The following B3GAT1 variants were observed in gnomAD, a reference collection of about 807,000 sequenced individuals.
B3GAT1 encodes the protein beta-1,3-glucuronyltransferase 1.
A neutral mutation model predicts 28.4 loss-of-function variants in B3GAT1; 11 were observed. That is an observed-to-expected ratio of 0.39 (90% CI 0.24 to 0.64). B3GAT1 has a LOEUF of 0.64. Among genes scored for constraint, B3GAT1 ranks in the 30% least tolerant of loss-of-function variants. The pLI is 0.50. For missense variants in B3GAT1, 375 were observed against 491.0 expected (o/e 0.76, Z 2.23); for synonymous variants, 255 against 223.1 (o/e 1.14, Z -1.27).
chr11:134,387,951 G>A lies in B3GAT1; in HGVS notation c.-281-11C>T, dbSNP rs1003049451. On this transcript the variant is annotated splice_polypyrimidine_tract_variant and intron_variant, in intron 1 of 5. Transcript: ENST00000312527. ...CTGGGGGGTGGACACCTGCAAGAGA[G>A]AGCAGAAGCGGATAGCCAGAGACCC... The A allele has an allele frequency of 4.1e-6, 5 of 1,205,312 alleles. No homozygotes were observed. The African/African-American group carries it at 6.0e-5, about 15-fold the overall frequency. 74.7% of individuals were successfully genotyped at this position (1,205,312 alleles called of 1,614,324 possible). A position where few individuals can be genotyped will look rare whatever the true frequency, so the allele number is the denominator to read the frequency against.
rs147248025 is a variant in B3GAT1 at position 134,397,745 on chromosome 11, G to A, written c.-281-9805C>T. ...GCCATTGCAAACCAGCACCTGTCTC[G>A]TTTCCTTCCAGCTGTCAACTGCTCC... On this transcript the variant is annotated intron_variant, in intron 1 of 5. Coordinates refer to ENST00000312527, the MANE Select transcript of B3GAT1 (RefSeq NM_054025.3). Among the ~76,000 whole-genome samples, 904 of 152,360 alleles carry A rather than the reference G, an allele frequency of 5.9e-3. 9 individuals carry two copies. The highest frequency in any genetic ancestry group is 0.02 in the African/African-American group (844 of 41,592).
chr11:134,393,699 G>A lies in B3GAT1; in HGVS notation c.-281-5759C>T, dbSNP rs1221988319. ...AGACGGTGAGTGCTGTGAACAGGCT[G>A]GGAACCGGCGTCACTGACTCTTGAG... On this transcript the variant is annotated intron_variant, in intron 1 of 5. Coordinates refer to ENST00000312527, the MANE Select transcript of B3GAT1 (RefSeq NM_054025.3). The surrounding 1 kb of genome is among the most constrained non-coding windows in gnomAD (Gnocchi z 4.0). Among the ~76,000 whole-genome samples, 1 of 152,218 alleles carries A rather than the reference G, an allele frequency of 6.6e-6. No homozygotes were observed. Among genetic ancestry groups the A allele is most frequent in the African/African-American group, 2.4e-5 (1 of 41,454 alleles).
chr11:134,398,391 C>T (rs1196563632), intron 1 of B3GAT1, among the ~76,000 whole-genome samples: 2 of 152,158 alleles, frequency 1.3e-5, no homozygotes, highest in Middle Eastern at 3.2e-3. Context: ...GCCAAGAGGC[C>T]AGTTCTACTC....
chr11:134,407,647 T>C (rs1284274843), intron 1 of B3GAT1, among the ~76,000 whole-genome samples: 1 of 152,212 alleles, frequency 6.6e-6, no homozygotes, highest in Non-Finnish European at 1.5e-5. Flanking sequence ...CCTGCCCTGC[T>C]GTCAGCTGGT....
chr11:134,403,280 C>T (rs140611934), intron 1 of B3GAT1, among the ~76,000 whole-genome samples: 10 of 152,108 alleles, frequency 6.6e-5, no homozygotes, highest in African/African-American at 1.4e-4. Flanking sequence ...CTCGGGGTCC[C>T]GGGAAGGCAG....
At chr11:134,408,196 G>A (rs111972678) in intron 1 of B3GAT1, among the ~76,000 whole-genome samples, 16 of 149,978 alleles carry the variant, frequency 1.1e-4, no homozygotes, top group Admixed American at 4.0e-4. Flanking sequence ...ACCGATTCCA[G>A]TGGGGTGAGG....
chr11:134,399,439 C>T lies in B3GAT1; in HGVS notation c.-281-11499G>A, dbSNP rs181791818. On this transcript the variant is annotated intron_variant, in intron 1 of 5. Transcript: ENST00000312527. Reference sequence around the variant, plus strand: ...ATGCTGCCTCCAGTGGGCGCACACCCACCACAGGGCGCCTGCTCAGTGGGG... The same window carrying T: ...ATGCTGCCTCCAGTGGGCGCACACCTACCACAGGGCGCCTGCTCAGTGGGG... 1.9e-3 allele frequency among the ~76,000 whole-genome samples: 291 copies of T among 152,352 alleles called. 3 individuals are homozygous for T. The highest frequency in any genetic ancestry group is 0.017 in the Middle Eastern group (5 of 294).
intron 4 of B3GAT1, among the ~76,000 whole-genome samples, 199 bp downstream of exon 4, chr11:134,382,511 C>G (rs920627486): frequency 3.3e-5 from 5 of 152,244 alleles, no homozygotes; most frequent in African/African-American, 4.8e-5. Flanking sequence ...GGTTATAACT[C>G]CCCAGTGGCC....
At chr11:134,407,330 G>A (rs780668646) in intron 1 of B3GAT1, among the ~76,000 whole-genome samples, 5 of 152,246 alleles carry the variant, frequency 3.3e-5, no homozygotes, top group Non-Finnish European at 5.9e-5. Flanking sequence ...CAGCCAGAGA[G>A]GACGGGCAGA....
chr11:134,407,457 G>C (rs574487951), intron 1 of B3GAT1, among the ~76,000 whole-genome samples: 9 of 152,330 alleles, frequency 5.9e-5, no homozygotes, highest in Non-Finnish European at 1.3e-4. Context: ...CATTTCCCAC[G>C]TATGAGAAGA....
At chr11:134,397,388 C>CTCCTGTT (rs1944526074) in intron 1 of B3GAT1, among the ~76,000 whole-genome samples, 1 of 151,654 alleles carries the variant, frequency 6.6e-6, no homozygotes, top group Non-Finnish European at 1.5e-5. Context: ...CACCATGTCC[C>CTCCTGTT]TCCTGTTCTC....
rs564747913 is a variant in B3GAT1 at position 134,392,340 on chromosome 11, C to G, written c.-281-4400G>C. Reference sequence around the variant, plus strand: ...AGTATGCCTATGGAGATCGGCCATACTGGGAACACCTCTCTGCAGGAATTT... The same window carrying G: ...AGTATGCCTATGGAGATCGGCCATAGTGGGAACACCTCTCTGCAGGAATTT... On this transcript the variant is annotated intron_variant, in intron 1 of 5. Coordinates refer to ENST00000312527, the MANE Select transcript of B3GAT1 (RefSeq NM_054025.3). 2.0e-5 allele frequency: 3 copies of G among 152,472 alleles called. No individual in the cohort carries two copies. The East Asian group carries it at 5.8e-4, about 29-fold the overall frequency. The allele number at this position is 152,472 out of a possible 1,614,324, so 9.4% of individuals were successfully genotyped here. A position where few individuals can be genotyped will look rare whatever the true frequency, so the allele number is the denominator to read the frequency against.
chr11:134,400,904 G>T (rs1057274890), intron 1 of B3GAT1, among the ~76,000 whole-genome samples: 2 of 152,186 alleles, frequency 1.3e-5, no homozygotes, highest in Non-Finnish European at 2.9e-5. Flanking sequence ...TAAATGCAAA[G>T]AACAAATACC....
intron 1 of B3GAT1, among the ~76,000 whole-genome samples, chr11:134,400,769 G>C (rs953292908): frequency 2.0e-5 from 3 of 152,112 alleles, no homozygotes; most frequent in Admixed American, 2.0e-4. Context: ...TCAACAAGTA[G>C]GACCTAATTA....
At chr11:134,384,224 G>T in intron 2 of B3GAT1, 36 bp from the exon 3 acceptor site, 1 of 1,515,180 alleles carries the variant, frequency 6.6e-7, no homozygotes, top group Non-Finnish European at 8.8e-7. Context: ...TGGGAGGAGA[G>T]CGCCGGCTAC....
intron 1 of B3GAT1, among the ~76,000 whole-genome samples, chr11:134,399,303 G>C (rs1223506635): frequency 6.6e-6 from 1 of 152,126 alleles, no homozygotes; most frequent in Non-Finnish European, 1.5e-5. Flanking sequence ...CCAGCAAAAC[G>C]CTCTTAACAC....
At chr11:134,398,329 GC>G (rs1944544436) in intron 1 of B3GAT1, among the ~76,000 whole-genome samples, 1 of 152,186 alleles carries the variant, frequency 6.6e-6, no homozygotes. Flanking sequence ...TAGCTCACGT[GC>G]CTGTCCTTGG....
At chr11:134,391,308 G>C (rs555875222) in intron 1 of B3GAT1, 5 of 152,188 alleles carry the variant, frequency 3.3e-5, no homozygotes, top group African/African-American at 1.2e-4. Flanking sequence ...CCAGCTGGCC[G>C]GCAGGGGGCA....
chr11:134,404,193 C>G (rs1182252633), intron 1 of B3GAT1, among the ~76,000 whole-genome samples: 1 of 151,580 alleles, frequency 6.6e-6, no homozygotes, highest in Non-Finnish European at 1.5e-5. Flanking sequence ...ACGACAGGCC[C>G]CGGTGTGTGA....
Sources: gnomAD v4.1 joint callset for allele counts (sites outside exome capture counted in the v4.1 genomes callset) on GRCh38, gnomAD v4.1.1 for gene constraint, Gnocchi (gnomAD v3.1) non-coding constraint, MANE v1.5 for transcripts, NCBI Gene and HGNC (gene_info 2026-07-23, HGNC 2026-07-21) for gene names.